The following PAH variants were observed in gnomAD, a reference collection of about 807,000 sequenced individuals.
PAH encodes phenylalanine hydroxylase, also known as phenylalanine-4-hydroxylase.
A neutral mutation model predicts 62.0 loss-of-function variants in PAH; 64 were observed. The observed-to-expected ratio is 1.03, with a 90% CI of 0.84 to 1.27. The LOEUF (loss-of-function observed/expected upper bound fraction) is 1.27. Among genes scored for constraint, PAH ranks in the 50% most tolerant of loss-of-function variants. The probability of loss-of-function intolerance (pLI) is 0.00; values close to 1 mark genes in which losing one functional copy is unlikely to be tolerated. For missense variants in PAH, 579 were observed against 542.8 expected (o/e 1.07, Z -0.66); for synonymous variants, 195 against 196.2 (o/e 0.99, Z 0.05).
At chr12:102,880,657 C>G (rs1435565744) in intron 3 of PAH, among the ~76,000 whole-genome samples, 1 of 152,114 alleles carries the variant, frequency 6.6e-6, no homozygotes, top group African/African-American at 2.4e-5. Flanking sequence ...CAAATATGTA[C>G]TGAGCACCTC....
intron 2 of PAH, 40 bp downstream of exon 2, chr12:102,912,751 C>T (rs576363559): frequency 3.7e-6 from 5 of 1,346,132 alleles, no homozygotes; most frequent in South Asian, 1.2e-5. Flanking sequence ...TGGAAGTTTG[C>T]TACGACATTA....
rs776442422 is a variant in PAH at position 102,894,735 on chromosome 12, C to T, written c.352G>A (p.Val118Met). Residue 118 changes from valine to methionine, a missense_variant and splice_region_variant, in exon 3 of 13, where the codon GTG becomes ATG. Val to Met is a conservative substitution (Grantham distance 21). Coordinates refer to ENST00000553106, the MANE Select transcript of PAH (RefSeq NM_000277.3). ...ELSRDKKKDT[V>M]PWFPRTIQEL... The stretch of plus-strand genomic sequence containing the variant: ...GTTGCAAAATTCCTCTAATTCTTAC[C>T]TGTGTCTTTCTTCTTATCTCGTGAA... 1.6e-5 allele frequency: 26 copies of T among 1,613,516 alleles called. No homozygotes were observed. The highest frequency in any genetic ancestry group is 2.1e-5 in the Non-Finnish European group (25 of 1,179,486).
chr12:102,874,909 G>A (rs537419870), intron 4 of PAH, among the ~76,000 whole-genome samples: 12 of 152,282 alleles, frequency 7.9e-5, no homozygotes, highest in South Asian at 4.1e-4. Flanking sequence ...GCCAAGGGCC[G>A]GGTTCAGGGA....
rs192009097 is a variant in PAH, at chr12:102,907,133, G to A, written c.168+5658C>T. On this transcript the variant is annotated intron_variant, in intron 2 of 12. Transcript: ENST00000553106. The stretch of plus-strand genomic sequence containing the variant: ...AGTGATATGTCCAAATGTTAACAGC[G>A]GTTGATAATAGATGGAAGGAATATT... Among the ~76,000 whole-genome samples, 23 of 152,274 alleles carry A rather than the reference G, an allele frequency of 1.5e-4. No homozygotes were observed. The South Asian group carries it at 2.7e-3, about 18-fold the overall frequency.
upstream of PAH, among the ~76,000 whole-genome samples, chr12:102,951,293 G>A (rs369748193): frequency 1.3e-5 from 2 of 152,140 alleles, no homozygotes; most frequent in African/African-American, 4.8e-5. Flanking sequence ...GCCCCGCTGC[G>A]CGCTACCAGG....
intron 1 of PAH, among the ~76,000 whole-genome samples, chr12:102,923,017 CT>C (rs1025956571): frequency 1.6e-4 from 24 of 152,188 alleles, no homozygotes; most frequent in African/African-American, 5.8e-4. Flanking sequence ...AGAATGTCCA[CT>C]TTCCCTATAG....
chr12:102,902,663 T>C (rs1256304009), intron 2 of PAH, among the ~76,000 whole-genome samples: 1 of 152,164 alleles, frequency 6.6e-6, no homozygotes, highest in East Asian at 1.9e-4. Context: ...CCAGAAATAT[T>C]CAAGAAAGTA....
Position 102,876,675 on chromosome 12 carries a change from C to T in PAH, c.441+787G>A, listed in dbSNP as rs775817044. Reference sequence around the variant, plus strand: ...GCAACAGGACGGTGGCCCTTCCCACCGATGGAGGCTGTGAGACCTGGCCCT... The same window carrying T: ...GCAACAGGACGGTGGCCCTTCCCACTGATGGAGGCTGTGAGACCTGGCCCT... On this transcript the variant is annotated intron_variant, in intron 4 of 12. Transcript: ENST00000553106. 6.6e-4 allele frequency among the ~76,000 whole-genome samples: 100 copies of T among 152,146 alleles called. 1 individual carries two copies. The highest frequency in any genetic ancestry group is 1.8e-3 in the Admixed American group (27 of 15,274).
intron 1 of PAH, among the ~76,000 whole-genome samples, chr12:102,956,567 C>T: frequency 6.6e-6 from 1 of 152,104 alleles, no homozygotes; most frequent in East Asian, 1.9e-4. Flanking sequence ...GTGCCCGCGG[C>T]GGCGCCGAAG....
intron 5 of PAH, among the ~76,000 whole-genome samples, chr12:102,865,740 C>T (rs1713189488): frequency 6.6e-6 from 1 of 152,152 alleles, no homozygotes; most frequent in Admixed American, 6.5e-5. Context: ...TTCAGAAAAG[C>T]TTTCTCTCTC....
At chr12:102,839,990 T>C (rs1339555822) in intron 12 of PAH, among the ~76,000 whole-genome samples, 1 of 152,180 alleles carries the variant, frequency 6.6e-6, no homozygotes, top group East Asian at 1.9e-4. Flanking sequence ...GCAATTATTA[T>C]AATATTCTCA....
intron 2 of PAH, among the ~76,000 whole-genome samples, chr12:102,908,446 C>T (rs1878066969): frequency 1.3e-5 from 2 of 152,178 alleles, no homozygotes; most frequent in Admixed American, 1.3e-4. Context: ...GTGCATTTTA[C>T]AGATATATTC....
intron 5 of PAH, among the ~76,000 whole-genome samples, chr12:102,856,480 G>T (rs1875436800): frequency 6.6e-6 from 1 of 152,198 alleles, no homozygotes; most frequent in Non-Finnish European, 1.5e-5. Flanking sequence ...GCTTTGAAGA[G>T]AGTAGTGGTT....
intron 5 of PAH, among the ~76,000 whole-genome samples, chr12:102,861,135 C>G (rs1228207907): frequency 4.6e-5 from 7 of 151,960 alleles, no homozygotes; most frequent in Admixed American, 3.3e-4. Context: ...AACAAATTTA[C>G]AAGAAAAAAA....
At chr12:102,899,282 T>C (rs1328453388) in intron 2 of PAH, among the ~76,000 whole-genome samples, 1 of 151,982 alleles carries the variant, frequency 6.6e-6, no homozygotes, top group Non-Finnish European at 1.5e-5. Context: ...GGGAGAGTTT[T>C]GGAAGGGAGG....
chr12:102,866,576 A>G lies in PAH; in HGVS notation c.509+20T>C. The G allele has an allele frequency of 6.2e-7, 1 of 1,606,934 alleles. No individual in the cohort carries two copies. The highest frequency in any genetic ancestry group is 1.1e-5 in the South Asian group (1 of 90,946). On this transcript the variant is annotated intron_variant, in intron 5 of 12. Transcript: ENST00000553106. ...GGGTGTGTTTTTCTCTCTTCCCCTC[A>G]ACAAGCAAGGCAGACTTACTGGCGG...
upstream of PAH, chr12:102,953,368 CAA>C (rs1472114462): frequency 1.3e-5 from 2 of 152,188 alleles, 1 homozygote; most frequent in Non-Finnish European, 2.9e-5. Flanking sequence ...TCCCTCTCCC[CAA>C]AGAGAAAGCA....
chr12:102,871,475 GTTTAT>G (rs1782545588), intron 4 of PAH, among the ~76,000 whole-genome samples: 1 of 152,136 alleles, frequency 6.6e-6, no homozygotes, highest in South Asian at 2.1e-4. Flanking sequence ...TTTTTCCAAA[GTTTAT>G]TGGTTTCTCT....
intron 1 of PAH, among the ~76,000 whole-genome samples, chr12:102,937,043 C>T (rs1478206745): frequency 6.6e-6 from 1 of 152,166 alleles, no homozygotes; most frequent in Non-Finnish European, 1.5e-5. Context: ...GCTTTTCCCC[C>T]TCTTGCTTGG....
Sources: gnomAD v4.1 joint callset for allele counts (sites outside exome capture counted in the v4.1 genomes callset) on GRCh38, gnomAD v4.1.1 for gene constraint, MANE v1.5 for transcripts, NCBI Gene and HGNC (gene_info 2026-07-23, HGNC 2026-07-21) for gene names.